BNC2: variants seen among roughly 807,000 people sequenced by gnomAD.
BNC2 encodes zinc finger protein basonuclin-2.
Under a neutral mutation model 76.3 loss-of-function variants are expected in BNC2, and 20 were observed. The ratio of observed to expected loss-of-function variants is 0.26; its 90% CI spans 0.18 to 0.38. The LOEUF is 0.38. Among genes scored for constraint, BNC2 ranks in the 10% least tolerant of loss-of-function variants. The pLI, the probability that BNC2 is intolerant of heterozygous loss-of-function variation, is 1.00. For synonymous variants in BNC2, 582 were observed against 514.8 expected, an observed-to-expected ratio of 1.13 and a Z score of -1.77; for missense variants, 1,382 against 1,399.8, an observed-to-expected ratio of 0.99 and a Z score of 0.20.
intron 5 of BNC2, among the ~76,000 whole-genome samples, chr9:16,443,064 C>CAA (rs908689709): frequency 3.4e-3 from 219 of 63,530 alleles, no homozygotes; most frequent in African/African-American, 0.01. Context: ...GAGACTCTGT[C>CAA]AAAAAAAAAA....
In BNC2 at chr9:16,417,591, G is replaced by A. The variant is rs554525205; in HGVS notation, c.*1398C>T. 6.6e-6 allele frequency: 1 copy of A among 152,282 alleles called. No individual in the cohort carries two copies. The highest frequency in any genetic ancestry group is 2.4e-5 in the African/African-American group (1 of 41,432). 9.4% of individuals were successfully genotyped at this position (152,282 alleles called of 1,614,324 possible). A position where few individuals can be genotyped will look rare whatever the true frequency, so the allele number is the denominator to read the frequency against. ...ACCAAACAGGCCTGAATTATAGTAC[G>A]ACTGCAGAATTTGCAACAAATTAGA... On this transcript the variant is annotated 3_prime_UTR_variant, in exon 7 of 7. Coordinates refer to ENST00000380672, the MANE Select transcript of BNC2 (RefSeq NM_017637.6).
At chr9:16,477,637 TAAAA>T (rs1331375410) in intron 5 of BNC2, among the ~76,000 whole-genome samples, 1 of 152,156 alleles carries the variant, frequency 6.6e-6, no homozygotes, top group East Asian at 1.9e-4. Flanking sequence ...CTTATAACCC[TAAAA>T]AAAGTTTAAA....
At position 16,788,292 on chromosome 9, in the gene BNC2, G is replaced by A. The variant is rs182721660; in HGVS notation, c.4-49807C>T. On this transcript the variant is annotated intron_variant, in intron 1 of 6. Coordinates refer to ENST00000380672, the MANE Select transcript of BNC2 (RefSeq NM_017637.6). ...TCCTGGGCCAGGCGCGGTGGCTCAC[G>A]CCTGTAATCCCAGCACTCTGGGAGG... Among the ~76,000 whole-genome samples, 862 of 152,068 alleles carry A rather than the reference G, an allele frequency of 5.7e-3. 9 individuals are homozygous for A. The highest frequency in any genetic ancestry group is 0.018 in the African/African-American group (757 of 41,488).
chr9:16,440,154 G>C (rs1821096845), intron 5 of BNC2, among the ~76,000 whole-genome samples: 1 of 152,190 alleles, frequency 6.6e-6, no homozygotes, highest in Non-Finnish European at 1.5e-5. Context: ...TCAGAGAACA[G>C]ATGAGAAATC....
At chr9:16,844,412 T>A (rs1015288949) in intron 1 of BNC2, among the ~76,000 whole-genome samples, 2 of 150,752 alleles carry the variant, frequency 1.3e-5, no homozygotes, top group Non-Finnish European at 3.0e-5. Context: ...AAAATCAACA[T>A]TCCTTTAAAA....
chr9:16,613,820 C>A (rs1820620580), intron 3 of BNC2, among the ~76,000 whole-genome samples: 1 of 152,150 alleles, frequency 6.6e-6, no homozygotes, highest in African/African-American at 2.4e-5. Context: ...TGTCACTGGG[C>A]ATGTCATGGA....
Position 16,419,391 on chromosome 9 carries a change from G to A in BNC2, c.2898C>T (p.Ser966=). ...DYMVLDLSTT[S]SLQSSSSIHS... ...GGATACTGCTGCTGGACTGGAGGCT[G>A]GAGGTGGTGCTCAAGTCAAGGACCA... Residue 966 remains serine (S), a synonymous_variant, in exon 7 of 7, where the codon TCC becomes TCT. Coordinates refer to ENST00000380672, the MANE Select transcript of BNC2 (RefSeq NM_017637.6). 2 of 1,601,744 alleles carry A rather than the reference G, an allele frequency of 1.2e-6. No homozygotes were observed. Among genetic ancestry groups the A allele is most frequent in the South Asian group, 1.1e-5 (1 of 89,026 alleles).
At chr9:16,489,034 G>C (rs1430120187) in intron 5 of BNC2, among the ~76,000 whole-genome samples, 1 of 152,124 alleles carries the variant, frequency 6.6e-6, no homozygotes, top group Non-Finnish European at 1.5e-5. Flanking sequence ...TTCTAAGTCA[G>C]TGTTGTCAAA....
rs112052465 is a variant in BNC2 at position 16,637,896 on chromosome 9, A to C, written c.331-54811T>G. On this transcript the variant is annotated intron_variant, in intron 3 of 6. Coordinates refer to ENST00000380672, the MANE Select transcript of BNC2 (RefSeq NM_017637.6). ...CAGTATTGTGGTGTAATATACATAC[A>C]GTGAAATAAACAGATTTTAAGTGCC... Among the ~76,000 whole-genome samples the C allele has an allele frequency of 9.5e-3, 1,449 of 152,384 alleles. 24 individuals are homozygous for C. The highest frequency in any genetic ancestry group is 0.034 in the African/African-American group (1,396 of 41,594).
chr9:16,864,287 C>T (rs922558192), intron 1 of BNC2, among the ~76,000 whole-genome samples: 6 of 151,970 alleles, frequency 3.9e-5, no homozygotes, highest in Non-Finnish European at 5.9e-5. Context: ...TAATTATTCT[C>T]TAGATATGGA....
chr9:16,864,778 T>C (rs1048952206), intron 1 of BNC2, among the ~76,000 whole-genome samples: 15 of 152,082 alleles, frequency 9.9e-5, no homozygotes, highest in African/African-American at 3.4e-4. Context: ...AGAAATCTAA[T>C]AACTGTGACA....
intron 5 of BNC2, among the ~76,000 whole-genome samples, chr9:16,468,385 T>C (rs1358407692): frequency 6.6e-6 from 1 of 151,660 alleles, no homozygotes; most frequent in African/African-American, 2.4e-5. Flanking sequence ...ATATGCAGTA[T>C]CTTTATTTTT....
intron 6 of BNC2, among the ~76,000 whole-genome samples, chr9:16,432,823 TCTTAGCTTCACA>T (rs1820932906): frequency 6.6e-6 from 1 of 152,182 alleles, no homozygotes; most frequent in Non-Finnish European, 1.5e-5. Context: ...AGAAAACTTG[TCTTAGCTTCACA>T]GCAAATTAAA....
intron 3 of BNC2, among the ~76,000 whole-genome samples, chr9:16,672,009 T>C (rs778390818): frequency 2.0e-5 from 3 of 152,186 alleles, no homozygotes; most frequent in African/African-American, 4.8e-5. Flanking sequence ...TCATGGGTGA[T>C]TGGTCACAAA....
chr9:16,789,094 G>A (rs1211577761), intron 1 of BNC2, among the ~76,000 whole-genome samples: 3 of 152,104 alleles, frequency 2.0e-5, no homozygotes, highest in African/African-American at 4.8e-5. Flanking sequence ...ATCAATCTCA[G>A]AAGTATTATG....
At chr9:16,482,811 G>A (rs944960891) in intron 5 of BNC2, among the ~76,000 whole-genome samples, 1 of 152,260 alleles carries the variant, frequency 6.6e-6, no homozygotes, top group African/African-American at 2.4e-5. Flanking sequence ...CCAGACTGGG[G>A]TCTCAGAGAA....
At chr9:16,516,241 GT>G (rs200171206) in intron 5 of BNC2, among the ~76,000 whole-genome samples, 1 of 151,476 alleles carries the variant, frequency 6.6e-6, no homozygotes, top group African/African-American at 2.4e-5. Flanking sequence ...TGGTTTGTTT[GT>G]TTTTTTTCAG....
intron 3 of BNC2, among the ~76,000 whole-genome samples, chr9:16,662,517 C>T (rs1249273361): frequency 1.3e-5 from 2 of 152,148 alleles, no homozygotes; most frequent in Non-Finnish European, 2.9e-5. Context: ...AGGTGCATCA[C>T]CTGAGGTCAA....
At chr9:16,648,307 G>C (rs1821693913) in intron 3 of BNC2, among the ~76,000 whole-genome samples, 1 of 152,202 alleles carries the variant, frequency 6.6e-6, no homozygotes, top group African/African-American at 2.4e-5. Context: ...ATATGGTTCA[G>C]AGATTCTTTG....
Sources: gnomAD v4.1 joint callset for allele counts (sites outside exome capture counted in the v4.1 genomes callset) on GRCh38, gnomAD v4.1.1 for gene constraint, MANE v1.5 for transcripts, NCBI Gene and HGNC (gene_info 2026-07-23, HGNC 2026-07-21) for gene names.